Variants in IFT140 observed in about 807,000 individuals in gnomAD.
The protein encoded by IFT140 is intraflagellar transport 140.
IFT140 carries 133 observed loss-of-function variants against 164.6 expected under a neutral mutation model. That is an observed-to-expected ratio of 0.81 (90% CI 0.70 to 0.93). The LOEUF (loss-of-function observed/expected upper bound fraction) is 0.93, where lower values mean the gene tolerates loss of function less well. Ranked by LOEUF, IFT140 falls within the 40% of genes least tolerant of loss-of-function variation. The pLI is 0.00. For synonymous variants in IFT140, 860 were observed against 817.3 expected (o/e 1.05, Z -0.89); for missense variants, 2,045 against 1,972.3 (o/e 1.04, Z -0.70).
Position 1,521,848 on chromosome 16 carries a change from C to T in IFT140, c.3454-1040G>A, listed in dbSNP as rs191554605. Among the ~76,000 whole-genome samples the T allele has an allele frequency of 2.0e-5, 3 of 149,246 alleles. No individual in the cohort carries two copies. In the South Asian group the frequency reaches 6.4e-4, roughly 32 times the overall value. On this transcript the variant is annotated intron_variant, in intron 26 of 30. Coordinates refer to ENST00000426508, the MANE Select transcript of IFT140 (RefSeq NM_014714.4). ...CCAGCCTGGGCAACACAGTCAGACC[C>T]CCATCTCCACAAGAAAAAAAAACAG...
In IFT140 at chr16:1,528,008, A is replaced by G. The variant is rs554124580; in HGVS notation, c.2400-1212T>C. Among the ~76,000 whole-genome samples the G allele has an allele frequency of 3.3e-5, 5 of 152,296 alleles. No individual in the cohort carries two copies. In the South Asian group the frequency reaches 8.3e-4, roughly 25 times the overall value. On this transcript the variant is annotated intron_variant, in intron 19 of 30. Coordinates refer to ENST00000426508, the MANE Select transcript of IFT140 (RefSeq NM_014714.4). ...TGCTGACAGCCACTCTAGGGACATG[A>G]CGCTGCATGAGAACCGTGTGTCCGC...
chr16:1,607,236 C>T lies in IFT140; in HGVS notation c.31G>A (p.Ala11Thr), dbSNP rs1165864520. The part of the protein sequence containing the change: MALYYDHQIE[A>T]PDAAGSPSFI... ...GAGGGTGACCCTGCTGCATCCGGGG[C>T]TTCTATCTGGTGGTCATAATAGAGG... The change falls in exon 3 of 31, where the codon GCC (alanine) becomes ACC (threonine). Residue 11 changes from alanine to threonine, a missense_variant. Physicochemically the swap from Ala to Thr is moderately conservative, Grantham distance 58 (BLOSUM62 0). Transcript: ENST00000426508. 1 of 1,614,068 alleles carries T rather than the reference C, an allele frequency of 6.2e-7. No homozygotes were observed.
intron 19 of IFT140, among the ~76,000 whole-genome samples, chr16:1,542,923 C>T (rs1376870473): frequency 2.0e-5 from 3 of 152,234 alleles, no homozygotes; most frequent in Admixed American, 6.5e-5. Context: ...ATGGAGTTGT[C>T]GTCAACGACC....
In IFT140 at chr16:1,553,834, C is replaced by T; in HGVS notation, c.2399+4101G>A. ...TGGATTAGGACGCCCGGCTCCATCG[C>T]TGCGGCCACAGTGTCCTGTTATCCT... is the stretch of plus-strand genomic sequence containing the variant. On this transcript the variant is annotated intron_variant, in intron 19 of 30. Transcript: ENST00000426508. This position sits in a 1 kb window ranked among gnomAD's most constrained non-coding sequence, Gnocchi z 4.4. 8.3e-7 allele frequency: 1 copy of T among 1,211,690 alleles called. No homozygotes were observed. 75.1% of individuals were successfully genotyped at this position (1,211,690 alleles called of 1,614,324 possible).
intron 13 of IFT140, among the ~76,000 whole-genome samples, chr16:1,579,828 G>C (rs1567396070): frequency 6.6e-6 from 1 of 152,104 alleles, no homozygotes; most frequent in East Asian, 1.9e-4. Context: ...GTTGGGTGTG[G>C]TGGCGCACAC....
chr16:1,525,142 G>A (rs538070343), intron 22 of IFT140, 89 bp downstream of exon 22: 27 of 1,251,558 alleles, frequency 2.2e-5, no homozygotes, highest in African/African-American at 1.8e-4. Context: ...CAGGAAGCAC[G>A]GGAAAGGGAG....
At chr16:1,540,680 C>T (rs559789489) in intron 19 of IFT140, 10 of 282,006 alleles carry the variant, frequency 3.5e-5, no homozygotes, top group African/African-American at 1.4e-4. Flanking sequence ...CGCGGGGACC[C>T]GCTCCTGAGT....
intron 3 of IFT140, 95 bp from the exon 4 acceptor site, chr16:1,602,686 A>T: frequency 8.8e-7 from 1 of 1,139,886 alleles, no homozygotes; most frequent in Non-Finnish European, 1.3e-6. Flanking sequence ...TCACTCCTGT[A>T]ATTACAGCAC....
chr16:1,591,698 C>T (rs190874753), intron 6 of IFT140, among the ~76,000 whole-genome samples: 43 of 152,318 alleles, frequency 2.8e-4, no homozygotes, highest in African/African-American at 9.6e-4. Context: ...ACCAGCCACA[C>T]GGTGTCCAGC....
In IFT140 at chr16:1,531,978, T is replaced by C. The variant is rs2030543570; in HGVS notation, c.2400-5182A>G. 1 of 152,236 alleles carries C rather than the reference T, an allele frequency of 6.6e-6. No homozygotes were observed. Among genetic ancestry groups the C allele is most frequent in the African/African-American group, 2.4e-5 (1 of 41,456 alleles). 9.4% of individuals were successfully genotyped at this position (152,236 alleles called of 1,614,324 possible). On this transcript the variant is annotated intron_variant, in intron 19 of 30. Coordinates refer to ENST00000426508, the MANE Select transcript of IFT140 (RefSeq NM_014714.4). This position sits in a 1 kb window ranked among gnomAD's most constrained non-coding sequence, Gnocchi z 4.7. ...GACTCCCGAAAGATTAATGGTTTAG[T>C]TAATTAAGGAGGAAATAAATTCTTC...
chr16:1,586,324 A>G, intron 9 of IFT140, 49 bp from the exon 10 acceptor site: 3 of 1,561,296 alleles, frequency 1.9e-6, no homozygotes, highest in Non-Finnish European at 2.6e-6. Flanking sequence ...AAAAGGGAAC[A>G]AAACAGCAAC....
chr16:1,571,376 G>C (rs556892284), intron 14 of IFT140, 31 bp downstream of exon 14: 3 of 1,604,376 alleles, frequency 1.9e-6, no homozygotes, highest in East Asian at 2.2e-5. Context: ...CTAAAAAAAT[G>C]TTCACACTTC....
In IFT140 at chr16:1,520,329, C is replaced by A. The variant is rs759998867; in HGVS notation, c.3675G>T (p.Leu1225=). Residue 1225 remains leucine (L), a synonymous_variant, in exon 28 of 31, where the codon CTG becomes CTT. Coordinates refer to ENST00000426508, the MANE Select transcript of IFT140 (RefSeq NM_014714.4). The part of the protein sequence containing the change: ...AGNKLKAMRA[L]LKSGDTEKIT... ...TTTTCTCCGTGTCTCCGGATTTGAG[C>A]AGCGCCCTCATGGCCTAGGCAGAGA... The A allele has an allele frequency of 9.9e-6, 16 of 1,614,004 alleles. No homozygotes were observed. The highest frequency in any genetic ancestry group is 1.3e-5 in the African/African-American group (1 of 74,958).
intron 10 of IFT140, among the ~76,000 whole-genome samples, 172 bp from the exon 11 acceptor site, chr16:1,584,592 A>G (rs531741945): frequency 1.4e-4 from 21 of 152,334 alleles, no homozygotes; most frequent in African/African-American, 4.8e-4. Context: ...TTATAAAGGT[A>G]AAGAGTATGC....
Position 1,551,575 on chromosome 16 carries a change from C to T in IFT140, c.2399+6360G>A, listed in dbSNP as rs370829675. Among the ~76,000 whole-genome samples the T allele has an allele frequency of 2.6e-5, 4 of 152,146 alleles. No individual in the cohort carries two copies. The highest frequency in any genetic ancestry group is 2.1e-4 in the South Asian group (1 of 4,830). On this transcript the variant is annotated intron_variant, in intron 19 of 30. Coordinates refer to ENST00000426508, the MANE Select transcript of IFT140 (RefSeq NM_014714.4). This position sits in a 1 kb window ranked among gnomAD's most constrained non-coding sequence, Gnocchi z 4.0. ...CAGGGTGCAGCGGTGGAGGGAGGGCCGCCTGCATCAGTATCCCCAGCAAGG... is the reference window on the plus strand; with the variant it reads ...CAGGGTGCAGCGGTGGAGGGAGGGCTGCCTGCATCAGTATCCCCAGCAAGG...
At chr16:1,598,928 G>C (rs2035607249) in intron 4 of IFT140, among the ~76,000 whole-genome samples, 2 of 147,914 alleles carry the variant, frequency 1.4e-5, no homozygotes, top group African/African-American at 5.0e-5. Context: ...TGGAAAGTGA[G>C]GAGCGTCTCC....
intron 30 of IFT140, among the ~76,000 whole-genome samples, chr16:1,516,134 T>G: frequency 3.0e-5 from 1 of 33,600 alleles, no homozygotes; most frequent in African/African-American, 8.3e-5. Context: ...AGCAAAACTC[T>G]GTCTCAAAAA....
At chr16:1,568,703 G>A (rs970129138) in intron 14 of IFT140, among the ~76,000 whole-genome samples, 1 of 152,038 alleles carries the variant, frequency 6.6e-6, no homozygotes, top group Non-Finnish European at 1.5e-5. Flanking sequence ...GCAGTGAACC[G>A]AGATCATGCC....
chr16:1,598,827 G>T (rs373105390), intron 4 of IFT140, among the ~76,000 whole-genome samples: 4 of 151,920 alleles, frequency 2.6e-5, no homozygotes, highest in African/African-American at 9.7e-5. Flanking sequence ...GCCTCTGCCC[G>T]GCCGCCACCC....
Sources: gnomAD v4.1 joint callset for allele counts (sites outside exome capture counted in the v4.1 genomes callset) on GRCh38, gnomAD v4.1.1 for gene constraint, Gnocchi (gnomAD v3.1) non-coding constraint, MANE v1.5 for transcripts, NCBI Gene and HGNC (gene_info 2026-07-23, HGNC 2026-07-21) for gene names.